The following HDAC1 variants were observed in gnomAD, a reference collection of about 807,000 sequenced individuals.
HDAC1 encodes histone deacetylase 1.
HDAC1 carries 18 observed loss-of-function variants against 65.5 expected under a neutral mutation model. The ratio of observed to expected loss-of-function variants is 0.27; its 90% CI spans 0.19 to 0.41. The LOEUF (loss-of-function observed/expected upper bound fraction) is 0.41, where lower values mean the gene tolerates loss of function less well. Ranked by LOEUF, HDAC1 falls within the 10% of genes least tolerant of loss-of-function variation. The probability of loss-of-function intolerance (pLI) is 1.00; values close to 1 mark genes in which losing one functional copy is unlikely to be tolerated. For missense variants in HDAC1, 373 were observed against 625.2 expected (o/e 0.60, Z 4.30); for synonymous variants, 211 against 227.9 (o/e 0.93, Z 0.67).
chr1:32,323,847 C>T (rs1219457259), intron 3 of HDAC1, among the ~76,000 whole-genome samples: 1 of 152,134 alleles, frequency 6.6e-6, no homozygotes, highest in Non-Finnish European at 1.5e-5. Context: ...TGTTCTTGCC[C>T]CTTGTTTGTC....
intron 2 of HDAC1, among the ~76,000 whole-genome samples, chr1:32,307,025 C>A (rs2148060319): frequency 6.6e-6 from 1 of 152,226 alleles, no homozygotes; most frequent in East Asian, 1.9e-4. Context: ...GCCGGTGGAT[C>A]ATCTGAGGTC....
rs550974113 is a variant in HDAC1, at chr1:32,299,831, C to T, written c.50-2790C>T. Among the ~76,000 whole-genome samples the T allele has an allele frequency of 7.9e-5, 12 of 152,174 alleles. No homozygotes were observed. The East Asian group carries it at 2.1e-3, about 27-fold the overall frequency. ...CAGCACTTTGGGAGGCCGAGGTGGA[C>T]GGATCACGAGGTCAGGAGATCAAGA... On this transcript the variant is annotated intron_variant, in intron 1 of 13. Coordinates refer to ENST00000373548, the MANE Select transcript of HDAC1 (RefSeq NM_004964.3).
intron 2 of HDAC1, 25 bp from the exon 3 acceptor site, chr1:32,316,640 G>C: frequency 7.3e-7 from 1 of 1,371,722 alleles, no homozygotes. Context: ...AAAATAACTT[G>C]CCCTTTCTCC....
rs1182644115 is a variant in HDAC1 at position 32,329,415 on chromosome 1, G to C, written c.729+255G>C. On this transcript the variant is annotated intron_variant, in intron 7 of 13. Transcript: ENST00000373548. The surrounding 1 kb of genome is among the most constrained non-coding windows in gnomAD (Gnocchi z 4.1). ...ATGATCTTTGCCCTCACGGACTATG[G>C]TGGGGAAGGCAGGCACATACCCAGT... 5.2e-6 allele frequency: 3 copies of C among 577,488 alleles called. No individual in the cohort carries two copies. Among genetic ancestry groups the C allele is most frequent in the Non-Finnish European group, 9.3e-6 (3 of 322,394 alleles). The allele number at this position is 577,488 out of a possible 1,614,324, so 35.8% of individuals were successfully genotyped here. A position where few individuals can be genotyped will look rare whatever the true frequency, so the allele number is the denominator to read the frequency against.
At chr1:32,309,019 C>T (rs1225656640) in intron 2 of HDAC1, among the ~76,000 whole-genome samples, 1 of 151,950 alleles carries the variant, frequency 6.6e-6, no homozygotes. Context: ...ACCTTGTTGC[C>T]CAAGCTGGTC....
chr1:32,312,015 G>A (rs1640998338), intron 2 of HDAC1, among the ~76,000 whole-genome samples: 1 of 152,100 alleles, frequency 6.6e-6, no homozygotes, highest in Non-Finnish European at 1.5e-5. Flanking sequence ...TGGGTGTTTT[G>A]GTTTGCCTTT....
Position 32,331,469 on chromosome 1 carries a change from A to G in HDAC1, c.980-5A>G, listed in dbSNP as rs775008244. 3.8e-6 allele frequency: 6 copies of G among 1,575,700 alleles called. No homozygotes were observed. The highest frequency in any genetic ancestry group is 1.7e-5 in the Admixed American group (1 of 59,956). ...CTTGACGGTCTTCTCTCCTGCCCCA[A>G]TCAGAGCTTCCATACAATGACTACT... On this transcript the variant is annotated splice_region_variant and splice_polypyrimidine_tract_variant and intron_variant, in intron 9 of 13. Transcript: ENST00000373548. This position sits in a 1 kb window ranked among gnomAD's most constrained non-coding sequence, Gnocchi z 4.2.
At chr1:32,322,879 GT>G (rs1641166954) in intron 3 of HDAC1, among the ~76,000 whole-genome samples, 1 of 152,158 alleles carries the variant, frequency 6.6e-6, no homozygotes, top group African/African-American at 2.4e-5. Flanking sequence ...CTCGGTATCT[GT>G]TTGTTCCTCC....
In HDAC1 at chr1:32,292,132, G is replaced by A. The variant is rs1300446069; in HGVS notation, c.-38G>A. 4.5e-6 allele frequency: 7 copies of A among 1,545,594 alleles called. No homozygotes were observed. Among genetic ancestry groups the A allele is most frequent in the Non-Finnish European group, 3.5e-6 (4 of 1,144,770 alleles). ...GAGCGGAGCCGCGGGCGGGAGGGCGGACGGACCGACTGACGGTAGGGACGG... is the reference window on the plus strand; with the variant it reads ...GAGCGGAGCCGCGGGCGGGAGGGCGAACGGACCGACTGACGGTAGGGACGG... On this transcript the variant is annotated 5_prime_UTR_variant, in exon 1 of 14. Coordinates refer to ENST00000373548, the MANE Select transcript of HDAC1 (RefSeq NM_004964.3).
chr1:32,304,951 ATCT>A lies in HDAC1; in HGVS notation c.162+2223_162+2225del, dbSNP rs370578578. Reference sequence around the variant, plus strand: ...GGTGTCAAACCCCTGGCCTCAAGAGATCTTCTTACTTTGGTCTCCCAAAGTGCT... The same window carrying A: ...GGTGTCAAACCCCTGGCCTCAAGAGATCTTACTTTGGTCTCCCAAAGTGCT... On this transcript the variant is annotated intron_variant, in intron 2 of 13. Coordinates refer to ENST00000373548, the MANE Select transcript of HDAC1 (RefSeq NM_004964.3). 4.0e-3 allele frequency among the ~76,000 whole-genome samples: 612 copies of A among 152,114 alleles called. 3 individuals carry two copies. Among genetic ancestry groups the A allele is most frequent in the African/African-American group, 0.014 (574 of 41,464 alleles).
chr1:32,299,205 G>A (rs1158333243), intron 1 of HDAC1, among the ~76,000 whole-genome samples: 1 of 152,040 alleles, frequency 6.6e-6, no homozygotes, highest in Non-Finnish European at 1.5e-5. Flanking sequence ...CTCATGCTGT[G>A]TGCTCCCCTG....
At chr1:32,295,340 G>A (rs1640754286) in intron 1 of HDAC1, among the ~76,000 whole-genome samples, 1 of 151,980 alleles carries the variant, frequency 6.6e-6, no homozygotes. Context: ...GGTCGACTCT[G>A]CAGTGAGCCA....
intron 2 of HDAC1, among the ~76,000 whole-genome samples, chr1:32,316,017 T>A (rs554729104): frequency 1.2e-4 from 18 of 148,966 alleles, no homozygotes; most frequent in African/African-American, 4.5e-4. Context: ...GCTTGGTGGC[T>A]CATGCCTGTA....
intron 12 of HDAC1, 51 bp from the exon 13 acceptor site, chr1:32,332,650 G>T (rs1260823059): frequency 7.2e-7 from 1 of 1,391,938 alleles, no homozygotes. Flanking sequence ...AGACCTCATG[G>T]GTCTTCCCAG....
chr1:32,296,786 A>G (rs1473419173), intron 1 of HDAC1, among the ~76,000 whole-genome samples: 5 of 152,198 alleles, frequency 3.3e-5, no homozygotes, highest in South Asian at 4.1e-4. Flanking sequence ...AATAATTCTT[A>G]TGGAAAATAG....
chr1:32,312,621 A>G (rs1042516821), intron 2 of HDAC1, among the ~76,000 whole-genome samples: 4 of 152,010 alleles, frequency 2.6e-5, no homozygotes, highest in Admixed American at 2.6e-4. Context: ...TCAGCCTCTC[A>G]AAGTGCTGGG....
rs904831272 is a variant in HDAC1 at position 32,316,849 on chromosome 1, C to G, written c.280+67C>G. 3 of 980,260 alleles carry G rather than the reference C, an allele frequency of 3.1e-6. No homozygotes were observed. The African/African-American group carries it at 4.8e-5, about 16-fold the overall frequency. 60.7% of individuals were successfully genotyped at this position (980,260 alleles called of 1,614,324 possible). A position where few individuals can be genotyped will look rare whatever the true frequency, so the allele number is the denominator to read the frequency against. On this transcript the variant is annotated intron_variant, in intron 3 of 13. Coordinates refer to ENST00000373548, the MANE Select transcript of HDAC1 (RefSeq NM_004964.3). ...GCATCTCCCTTTCCACTGTAGAGGC[C>G]CATTCTGCCGTCCTCGCACCTCCCA...
At chr1:32,292,511 G>T in intron 1 of HDAC1, 5 of 873,286 alleles carry the variant, frequency 5.7e-6, no homozygotes, top group Non-Finnish European at 6.9e-6. Context: ...GGGAGGGTGC[G>T]TCGGAGCGGG....
chr1:32,298,736 G>A (rs368390574), intron 1 of HDAC1, among the ~76,000 whole-genome samples: 1 of 152,026 alleles, frequency 6.6e-6, no homozygotes, highest in Non-Finnish European at 1.5e-5. Flanking sequence ...CATGGCTCAC[G>A]TCTGTAATCC....
Sources: allele counts gnomAD v4.1 joint callset (sites outside exome capture counted in the v4.1 genomes callset), GRCh38; gene constraint gnomAD v4.1.1; non-coding constraint Gnocchi (gnomAD v3.1); transcripts MANE v1.5; gene names NCBI Gene and HGNC (gene_info 2026-07-23, HGNC 2026-07-21).